Variants in PRB4 observed in about 807,000 individuals in gnomAD.
PRB4 encodes the protein proline rich protein BstNI subfamily 4, also known as basic salivary proline-rich protein 4.
Under a neutral mutation model 9.1 loss-of-function variants are expected in PRB4, and 14 were observed. The observed-to-expected ratio is 1.54, with a 90% CI of 1.02 to 2.41. PRB4 has a LOEUF of 2.41. Among genes scored for constraint, PRB4 ranks in the 30% most tolerant of loss-of-function variants. The pLI, the probability that PRB4 is intolerant of heterozygous loss-of-function variation, is 0.00. For synonymous variants in PRB4, 102 were observed against 108.5 expected (o/e 0.94, Z 0.37); for missense variants, 381 against 299.3 (o/e 1.27, Z -2.02).
intron 3 of PRB4, among the ~76,000 whole-genome samples, chr12:11,307,794 A>G (rs745487893): frequency 3.0e-4 from 46 of 152,324 alleles, no homozygotes; most frequent in Non-Finnish European, 5.0e-4. Flanking sequence ...AAAGTTAAGT[A>G]TCTAAAAAGT....
intron 1 of PRB4, 134 bp from the exon 2 acceptor site, chr12:11,309,539 G>A (rs1380473024): frequency 1.3e-6 from 2 of 1,524,702 alleles, no homozygotes; most frequent in African/African-American, 2.7e-5. Flanking sequence ...CACCATCTGT[G>A]AAGGTGCTGG....
intron 1 of PRB4, among the ~76,000 whole-genome samples, 169 bp from the exon 2 acceptor site, chr12:11,309,574 G>A (rs996988012): frequency 6.6e-6 from 1 of 152,126 alleles, no homozygotes; most frequent in South Asian, 2.1e-4. Context: ...GTAAGAGGAG[G>A]CAGGGTTGTT....
In PRB4 at chr12:11,308,471, T is replaced by A. The variant is rs1168797214; in HGVS notation, c.512A>T (p.Asn171Ile). The A allele has an allele frequency of 6.2e-7, 1 of 1,613,454 alleles. No individual in the cohort carries two copies. The highest frequency in any genetic ancestry group is 8.5e-7 in the Non-Finnish European group (1 of 1,179,840). ...AGGAGATCGGGCACTTCGGGACTTG[T>A]TTCCTTCCTGTGGGGGTGGTCCTTC... ...KPEGPPPQEG[N>I]KSRSARSPPG... The change falls in exon 3 of 4, where the codon AAC (asparagine) becomes ATC (isoleucine). Residue 171 changes from asparagine (N) to isoleucine (I), a missense_variant. Asn to Ile is a moderately radical substitution (Grantham distance 149, BLOSUM62 -3). Coordinates refer to ENST00000279575, the MANE Select transcript of PRB4 (RefSeq NM_002723.6).
chr12:11,308,165 A>G (rs1273394873), intron 3 of PRB4, 56 bp downstream of exon 3: 2 of 1,542,188 alleles, frequency 1.3e-6, no homozygotes. Context: ...TTGGCACAAT[A>G]AAGTTGGAGA....
At chr12:11,307,951 C>T (rs1283211570) in intron 3 of PRB4, among the ~76,000 whole-genome samples, 4 of 152,114 alleles carry the variant, frequency 2.6e-5, no homozygotes, top group Admixed American at 6.5e-5. Flanking sequence ...GAAAACAGAA[C>T]GCCAAGAATG....
chr12:11,309,967 G>A (rs140538221), intron 1 of PRB4, among the ~76,000 whole-genome samples: 167 of 152,180 alleles, frequency 1.1e-3, no homozygotes, highest in Middle Eastern at 0.01. Flanking sequence ...CATCAATGCC[G>A]ACTGTCTGTA....
rs1457380052 is a variant in PRB4 at position 11,308,271 on chromosome 12, T to C, written c.712A>G (p.Arg238Gly). The C allele has an allele frequency of 1.2e-6, 2 of 1,609,816 alleles. No individual in the cohort carries two copies. Among genetic ancestry groups the C allele is most frequent in the South Asian group, 1.1e-5 (1 of 90,318 alleles). ...GGAGGCTGTTGTCCCTGGGCAGGTCTGGGTGGCCTGCCCCCTTGAGGAGGT... is the reference window on the plus strand; with the variant it reads ...GGAGGCTGTTGTCCCTGGGCAGGTCCGGGTGGCCTGCCCCCTTGAGGAGGT... Reference protein sequence around the residue: ...PPPPQGGRPPRPAQGQQPPQ With the variant: ...PPPPQGGRPPGPAQGQQPPQ The change falls in exon 3 of 4, where the codon AGA becomes GGA. Residue 238 changes from arginine (R) to glycine (G), a missense_variant. Transcript: ENST00000279575.
Sources: gnomAD v4.1 joint callset for allele counts (sites outside exome capture counted in the v4.1 genomes callset) on GRCh38, gnomAD v4.1.1 for gene constraint, MANE v1.5 for transcripts, NCBI Gene and HGNC (gene_info 2026-07-23, HGNC 2026-07-21) for gene names.